RBPMS: variants seen among roughly 807,000 people sequenced by gnomAD.
RBPMS encodes the protein RNA-binding protein with multiple splicing.
A neutral mutation model predicts 26.8 loss-of-function variants in RBPMS; 7 were observed. That is an observed-to-expected ratio of 0.26 (90% CI 0.15 to 0.49). The LOEUF (loss-of-function observed/expected upper bound fraction) is 0.49. RBPMS is among the 20% of genes least tolerant of loss of function. The pLI, the probability that RBPMS is intolerant of heterozygous loss-of-function variation, is 0.98. For missense variants in RBPMS, 186 were observed against 250.0 expected, an observed-to-expected ratio of 0.74 and a Z score of 1.73; for synonymous variants, 96 against 93.3, an observed-to-expected ratio of 1.03 and a Z score of -0.17.
rs779838789 is a variant in RBPMS, at chr8:30,385,045, A to G, written c.-48A>G. The G allele has an allele frequency of 1.6e-5, 23 of 1,442,618 alleles. No individual in the cohort carries two copies. The East Asian group carries it at 5.6e-4, about 35-fold the overall frequency. 89.4% of individuals were successfully genotyped at this position (1,442,618 alleles called of 1,614,324 possible). A position where few individuals can be genotyped will look rare whatever the true frequency, so the allele number is the denominator to read the frequency against. On this transcript the variant is annotated 5_prime_UTR_variant, in exon 1 of 9. Coordinates refer to ENST00000397323, the MANE Select transcript of RBPMS (RefSeq NM_001008710.3). The stretch of plus-strand genomic sequence containing the variant: ...CCAGTGGGCTAGCGCGCCCTCGCCC[A>G]GCCCCGCGCCCCAGCCCTGCCCGGC...
At chr8:30,479,266 T>C (rs763174434) in intron 3 of RBPMS, 49 bp from the exon 4 acceptor site, 1 of 1,370,532 alleles carries the variant, frequency 7.3e-7, no homozygotes, top group South Asian at 1.2e-5. Context: ...CCTAGAAAAG[T>C]AGACATCATC....
intron 1 of RBPMS, among the ~76,000 whole-genome samples, chr8:30,392,477 AG>A (rs1307378174): frequency 6.6e-6 from 1 of 152,196 alleles, no homozygotes. Context: ...CCTCTGCATT[AG>A]GGAATTGGAC....
chr8:30,474,073 C>A (rs192480282), intron 1 of RBPMS, among the ~76,000 whole-genome samples: 9 of 150,668 alleles, frequency 6.0e-5, no homozygotes, highest in African/African-American at 1.7e-4. Flanking sequence ...TGCACATGTA[C>A]CCCAGTACTT....
At chr8:30,536,240 G>A (rs1350256310) in intron 5 of RBPMS, among the ~76,000 whole-genome samples, 1 of 150,480 alleles carries the variant, frequency 6.6e-6, no homozygotes, top group African/African-American at 2.4e-5. Flanking sequence ...CCATTCTCCT[G>A]CCTCAGCCTC....
intron 2 of RBPMS, among the ~76,000 whole-genome samples, chr8:30,475,131 A>G (rs1353829315): frequency 1.3e-5 from 2 of 152,186 alleles, no homozygotes; most frequent in Non-Finnish European, 2.9e-5. Flanking sequence ...TTCTTTGGAA[A>G]TGTAAATAGG....
At chr8:30,549,659 C>A in intron 6 of RBPMS, 1 of 1,132,834 alleles carries the variant, frequency 8.8e-7, no homozygotes, top group Non-Finnish European at 1.3e-6. Flanking sequence ...GCCTCATGCT[C>A]ACAGCGCCAG....
At position 30,566,248 on chromosome 8, in the gene RBPMS, C is replaced by G. The variant is rs1303114136; in HGVS notation, c.*8-9C>G. 3.0e-6 allele frequency: 3 copies of G among 985,822 alleles called. No individual in the cohort carries two copies. The highest frequency in any genetic ancestry group is 3.6e-6 in the Non-Finnish European group (3 of 829,966). The allele number at this position is 985,822 out of a possible 1,614,324, so 61.1% of individuals were successfully genotyped here. On this transcript the variant is annotated splice_polypyrimidine_tract_variant and intron_variant, in intron 7 of 8. Coordinates refer to ENST00000397323, the MANE Select transcript of RBPMS (RefSeq NM_001008710.3). Reference sequence around the variant, plus strand: ...TGCACCGTTAACGGGTGATCTTTCTCCATCCCAGGTCCCAGGTGTGTGATG... The same window carrying G: ...TGCACCGTTAACGGGTGATCTTTCTGCATCCCAGGTCCCAGGTGTGTGATG...
intron 7 of RBPMS, among the ~76,000 whole-genome samples, chr8:30,562,527 G>A (rs540774108): frequency 3.9e-4 from 59 of 152,108 alleles, no homozygotes; most frequent in Non-Finnish European, 7.9e-4. Context: ...CTAGCTCAGT[G>A]CGGATCTATT....
In RBPMS at chr8:30,519,782, C is replaced by T. The variant is rs111931298; in HGVS notation, c.397+15346C>T. 4.0e-3 allele frequency among the ~76,000 whole-genome samples: 604 copies of T among 152,164 alleles called. 3 individuals are homozygous for T. The highest frequency in any genetic ancestry group is 0.013 in the African/African-American group (556 of 41,516). On this transcript the variant is annotated intron_variant, in intron 5 of 8. Coordinates refer to ENST00000397323, the MANE Select transcript of RBPMS (RefSeq NM_001008710.3). ...TGCTGGGATTACAGGCGTGAGCCACCGCGCCTGGCCGGATCTCTCTTTTTT... is the reference window on the plus strand; with the variant it reads ...TGCTGGGATTACAGGCGTGAGCCACTGCGCCTGGCCGGATCTCTCTTTTTT...
intron 5 of RBPMS, among the ~76,000 whole-genome samples, chr8:30,528,659 C>A (rs1823867988): frequency 6.6e-6 from 1 of 152,148 alleles, no homozygotes; most frequent in South Asian, 2.1e-4. Context: ...CTTCACAACA[C>A]CCTGTTACAT....
chr8:30,569,989 G>A (rs1828157987), intron 8 of RBPMS, among the ~76,000 whole-genome samples: 2 of 152,114 alleles, frequency 1.3e-5, no homozygotes, highest in Non-Finnish European at 2.9e-5. Flanking sequence ...TCCGCCGGCC[G>A]TTACCCGCTA....
At chr8:30,423,460 A>G (rs1159344395) in intron 1 of RBPMS, among the ~76,000 whole-genome samples, 9 of 152,096 alleles carry the variant, frequency 5.9e-5, no homozygotes, top group Admixed American at 5.9e-4. Flanking sequence ...GGCCTGGCAA[A>G]TCCTGAGTTA....
intron 4 of RBPMS, among the ~76,000 whole-genome samples, chr8:30,491,783 C>A (rs1384857158): frequency 6.6e-6 from 1 of 152,132 alleles, no homozygotes; most frequent in African/African-American, 2.4e-5. Flanking sequence ...AATGACCTAA[C>A]AAGCACTTAA....
chr8:30,537,339 G>T (rs1824901655), intron 5 of RBPMS, among the ~76,000 whole-genome samples: 1 of 152,218 alleles, frequency 6.6e-6, no homozygotes. Flanking sequence ...TGGGCCAGTT[G>T]AATCATGACC....
At chr8:30,419,069 A>AAG (rs1810430774) in intron 1 of RBPMS, among the ~76,000 whole-genome samples, 1 of 135,666 alleles carries the variant, frequency 7.4e-6, no homozygotes, top group Non-Finnish European at 1.7e-5. Context: ...TATCAGTTGA[A>AAG]AAAAAAAAAA....
At chr8:30,419,532 C>G (rs1810511122) in intron 1 of RBPMS, among the ~76,000 whole-genome samples, 1 of 150,724 alleles carries the variant, frequency 6.6e-6, no homozygotes, top group African/African-American at 2.4e-5. Context: ...TCTCAAAATG[C>G]CCCACAATCT....
chr8:30,480,555 G>A (rs1345266660), intron 4 of RBPMS, among the ~76,000 whole-genome samples: 1 of 152,162 alleles, frequency 6.6e-6, no homozygotes, highest in Non-Finnish European at 1.5e-5. Context: ...AGGATTCCAG[G>A]AATTCCAGAG....
At chr8:30,432,052 C>T (rs758711454) in intron 1 of RBPMS, among the ~76,000 whole-genome samples, 77 of 151,944 alleles carry the variant, frequency 5.1e-4, no homozygotes, top group Non-Finnish European at 9.4e-4. Flanking sequence ...CACTTGAGCC[C>T]GAGATCAAGG....
intron 1 of RBPMS, among the ~76,000 whole-genome samples, chr8:30,428,013 A>AC (rs1383750740): frequency 7.7e-6 from 1 of 129,866 alleles, no homozygotes; most frequent in East Asian, 2.3e-4. Flanking sequence ...ACAAAATGAG[A>AC]CCCCATCTTT....
Sources: allele counts gnomAD v4.1 joint callset (sites outside exome capture counted in the v4.1 genomes callset), GRCh38; gene constraint gnomAD v4.1.1; transcripts MANE v1.5; gene names NCBI Gene and HGNC (gene_info 2026-07-23, HGNC 2026-07-21).